Variants in TMEM219 observed in about 807,000 individuals in gnomAD.
The protein encoded by TMEM219 is transmembrane protein 219.
TMEM219 carries 18 observed loss-of-function variants against 17.9 expected under a neutral mutation model. The ratio of observed to expected loss-of-function variants is 1.01; its 90% CI spans 0.70 to 1.49. TMEM219 has a LOEUF of 1.49. TMEM219 is among the 40% of genes most tolerant of loss of function. TMEM219 has a pLI of 0.00. For synonymous variants in TMEM219, 113 were observed against 124.0 expected, an observed-to-expected ratio of 0.91 and a Z score of 0.59; for missense variants, 288 against 292.4, an observed-to-expected ratio of 0.99 and a Z score of 0.11.
chr16:29,969,106 T>C (rs2069249124), intron 4 of TMEM219, among the ~76,000 whole-genome samples: 1 of 152,064 alleles, frequency 6.6e-6, no homozygotes, highest in Non-Finnish European at 1.5e-5. Flanking sequence ...ATCCCAGCAC[T>C]TTGGAAGGCC....
chr16:29,967,659 G>A (rs1048927500), intron 3 of TMEM219, among the ~76,000 whole-genome samples: 13 of 152,290 alleles, frequency 8.5e-5, no homozygotes, highest in East Asian at 7.7e-4. Context: ...CGGGCACGGT[G>A]GCTCACGCCT....
At chr16:29,969,054 G>T (rs1042802399) in intron 4 of TMEM219, among the ~76,000 whole-genome samples, 1 of 152,122 alleles carries the variant, frequency 6.6e-6, no homozygotes, top group African/African-American at 2.4e-5. Flanking sequence ...ATGCGCACAG[G>T]CCTAGAGATT....
chr16:29,964,824 C>A (rs1183644812), intron 3 of TMEM219, among the ~76,000 whole-genome samples: 1 of 152,210 alleles, frequency 6.6e-6, no homozygotes, highest in Non-Finnish European at 1.5e-5. Flanking sequence ...GTGATTAGGG[C>A]TTTCAGTGAA....
chr16:29,970,848 G>A (rs2069275879), intron 4 of TMEM219, among the ~76,000 whole-genome samples: 1 of 151,960 alleles, frequency 6.6e-6, no homozygotes. Context: ...GGAGGCTGAG[G>A]TGGGAAGATC....
chr16:29,963,362 C>T (rs1180821423), intron 2 of TMEM219, 38 bp from the exon 3 acceptor site: 1 of 1,613,650 alleles, frequency 6.2e-7, no homozygotes, highest in Non-Finnish European at 8.5e-7. Context: ...CAGGCTTTTG[C>T]TGCTAATCTC....
At chr16:29,967,551 C>T (rs2069226565) in intron 3 of TMEM219, among the ~76,000 whole-genome samples, 1 of 152,116 alleles carries the variant, frequency 6.6e-6, no homozygotes, top group Admixed American at 6.6e-5. Context: ...GTTGAGGCTC[C>T]CGTGAGCTGG....
Position 29,963,472 on chromosome 16 carries a change from T to G in TMEM219, c.238T>G (p.Trp80Gly), listed in dbSNP as rs1172034739. The G allele has an allele frequency of 6.2e-7, 1 of 1,614,194 alleles. No individual in the cohort carries two copies. Residue 80 changes from tryptophan (W) to glycine (G), a missense_variant, in exon 3 of 6, where the codon TGG (tryptophan) becomes GGG (glycine). Transcript: ENST00000279396. The part of the protein sequence containing the change: ...CPRNGTVTGK[W>G]RGSHVVGLLT... Reference sequence around the variant, plus strand: ...CAGGAATGGGACAGTCACAGGGAAGTGGCGAGGGTCTCACGTCGTGGGCTT... The same window carrying G: ...CAGGAATGGGACAGTCACAGGGAAGGGGCGAGGGTCTCACGTCGTGGGCTT...
intron 3 of TMEM219, among the ~76,000 whole-genome samples, chr16:29,963,882 CA>C (rs34734372): frequency 1.9e-3 from 151 of 78,382 alleles, no homozygotes; most frequent in Middle Eastern, 9.8e-3. Context: ...GACTCTGTCT[CA>C]AAAAAAAAAA....
intron 4 of TMEM219, 94 bp from the exon 5 acceptor site, chr16:29,971,314 A>G: frequency 1.5e-6 from 2 of 1,356,366 alleles, no homozygotes; most frequent in Non-Finnish European, 2.1e-6. Flanking sequence ...TGCTCCCTAG[A>G]TGTGGAGAGC....
chr16:29,966,579 C>T (rs2069215003), intron 3 of TMEM219, among the ~76,000 whole-genome samples: 1 of 152,008 alleles, frequency 6.6e-6, no homozygotes, highest in African/African-American at 2.4e-5. Context: ...CTTTGGAAGG[C>T]TGAGGCAGGT....
At chr16:29,966,480 G>A (rs2069213978) in intron 3 of TMEM219, among the ~76,000 whole-genome samples, 1 of 151,890 alleles carries the variant, frequency 6.6e-6, no homozygotes, top group Non-Finnish European at 1.5e-5. Flanking sequence ...AAACTTTTAG[G>A]TTTTGTGTCT....
intron 1 of TMEM219, 24 bp from the exon 2 acceptor site, chr16:29,963,083 C>T (rs574063717): frequency 2.5e-6 from 4 of 1,579,950 alleles, no homozygotes; most frequent in Admixed American, 3.4e-5. Flanking sequence ...TGCTCTTGTC[C>T]CATTCTCCCT....
rs763424845 is a variant in TMEM219, at chr16:29,963,441, G to T, written c.207G>T (p.Leu69=). 4.3e-5 allele frequency: 69 copies of T among 1,614,190 alleles called. No homozygotes were observed. The South Asian group carries it at 7.5e-4, about 17-fold the overall frequency. ...SFLRSFGQLT[L]CPRNGTVTGK... ...TGAGATCTTTTGGCCAGCTGACCCTGTGTCCCAGGAATGGGACAGTCACAG... is the reference window on the plus strand; with the variant it reads ...TGAGATCTTTTGGCCAGCTGACCCTTTGTCCCAGGAATGGGACAGTCACAG... The change falls in exon 3 of 6, where the codon CTG becomes CTT. Residue 69 remains leucine (L), a synonymous_variant. Coordinates refer to ENST00000279396, the MANE Select transcript of TMEM219 (RefSeq NM_001083613.2).
intron 4 of TMEM219, among the ~76,000 whole-genome samples, chr16:29,971,032 G>A (rs1025141173): frequency 2.6e-5 from 4 of 151,516 alleles, no homozygotes; most frequent in Non-Finnish European, 4.4e-5. Context: ...GGATCATGAG[G>A]TCAGGAGATC....
chr16:29,972,991 G>C lies in TMEM219; in HGVS notation c.*75G>C, dbSNP rs2069325027. The C allele has an allele frequency of 1.3e-5, 2 of 152,210 alleles. No homozygotes were observed. The highest frequency in any genetic ancestry group is 4.8e-5 in the African/African-American group (2 of 41,432). 9.4% of individuals were successfully genotyped at this position (152,210 alleles called of 1,614,324 possible). On this transcript the variant is annotated 3_prime_UTR_variant, in exon 6 of 6. Transcript: ENST00000279396. Reference sequence around the variant, plus strand: ...TGGGCCTTGGCTCTGAGTTGGAAAAGGTTTTAGAAAAAGTGAAGAGCTGGA... The same window carrying C: ...TGGGCCTTGGCTCTGAGTTGGAAAACGTTTTAGAAAAAGTGAAGAGCTGGA...
chr16:29,967,978 G>C, intron 3 of TMEM219, 47 bp from the exon 4 acceptor site: 1 of 1,389,154 alleles, frequency 7.2e-7, no homozygotes, highest in South Asian at 1.2e-5. Context: ...AGAGGCTCCC[G>C]CGTCACCTCT....
In TMEM219 at chr16:29,968,041, A is replaced by G. The variant is rs564179054; in HGVS notation, c.372A>G (p.Gln124=). The G allele has an allele frequency of 5.5e-5, 88 of 1,613,986 alleles. No individual in the cohort carries two copies. Among genetic ancestry groups the G allele is most frequent in the Non-Finnish European group, 6.9e-5 (82 of 1,179,902 alleles). Residue 124 remains glutamine (Q), a synonymous_variant, in exon 4 of 6, where the codon CAA becomes CAG. Transcript: ENST00000279396. ...CTTTCACAGGATCTTCTGCAGGACA[A>G]CTGGTCCTTATCACAGCCAGGGTGA... is the stretch of plus-strand genomic sequence containing the variant. ...QMGLKGSSAG[Q]LVLITARVTT... is the part of the protein sequence containing the mutation.
intron 4 of TMEM219, among the ~76,000 whole-genome samples, chr16:29,970,583 CA>C (rs2069271876): frequency 6.6e-6 from 1 of 152,004 alleles, no homozygotes; most frequent in Admixed American, 6.5e-5. Context: ...CTCGGCCTCT[CA>C]AAGTGCTGGG....
In TMEM219 at chr16:29,963,409, T is replaced by C. The variant is rs1442136264; in HGVS notation, c.175T>C (p.Ser59Pro). The C allele has an allele frequency of 2.5e-6, 4 of 1,614,002 alleles. No individual in the cohort carries two copies. The highest frequency in any genetic ancestry group is 1.3e-5 in the African/African-American group (1 of 74,932). ...RSPDIPQDWV[S>P]FLRSFGQLTL... Reference sequence around the variant, plus strand: ...CTTCTTTTGCTCACAGGACTGGGTCTCTTTTTTGAGATCTTTTGGCCAGCT... The same window carrying C: ...CTTCTTTTGCTCACAGGACTGGGTCCCTTTTTTGAGATCTTTTGGCCAGCT... Residue 59 changes from serine (S) to proline (P), a missense_variant, in exon 3 of 6, where the codon TCT becomes CCT. Transcript: ENST00000279396.
Sources: allele counts gnomAD v4.1 joint callset (sites outside exome capture counted in the v4.1 genomes callset), GRCh38; gene constraint gnomAD v4.1.1; transcripts MANE v1.5; gene names NCBI Gene and HGNC (gene_info 2026-07-23, HGNC 2026-07-21).